Variants in RANBP17 observed in about 807,000 individuals in gnomAD.
The protein encoded by RANBP17 is ran-binding protein 17.
In RANBP17, 158 loss-of-function variants were observed where a neutral mutation model predicts 141.2. That is an observed-to-expected ratio of 1.12 (90% CI 0.98 to 1.28). The LOEUF is 1.28. Ranked by LOEUF, RANBP17 falls within the 50% of genes most tolerant of loss-of-function variation. The pLI is 0.00. For synonymous variants in RANBP17, 430 were observed against 450.0 expected, an observed-to-expected ratio of 0.96 and a Z score of 0.56; for missense variants, 1,438 against 1,290.7, an observed-to-expected ratio of 1.11 and a Z score of -1.75.
intron 5 of RANBP17, 82 bp from the exon 6 acceptor site, chr5:170,909,578 CT>C (rs386405668): frequency 0.072 from 17,362 of 239,768 alleles, 632 homozygotes; most frequent in African/African-American, 0.24. Flanking sequence ...AGTTTATTTC[CT>C]TTTTTTTTTT....
intron 14 of RANBP17, among the ~76,000 whole-genome samples, chr5:171,097,659 T>C (rs1374462437): frequency 2.1e-5 from 3 of 145,964 alleles, no homozygotes; most frequent in African/African-American, 7.6e-5. Flanking sequence ...TATTATACTT[T>C]AAGTTCTGGG....
intron 14 of RANBP17, among the ~76,000 whole-genome samples, chr5:171,061,352 G>T (rs1338542223): frequency 2.2e-4 from 33 of 150,198 alleles, no homozygotes; most frequent in South Asian, 1.1e-3. Flanking sequence ...AGAGATTCTG[G>T]TATGTTGTGT....
intron 14 of RANBP17, among the ~76,000 whole-genome samples, chr5:171,066,197 A>G (rs1378710721): frequency 6.6e-6 from 1 of 152,146 alleles, no homozygotes; most frequent in Non-Finnish European, 1.5e-5. Flanking sequence ...AAATAAAACT[A>G]AATTTGTTCC....
At chr5:170,932,026 TTCC>T (rs1415515450) in intron 12 of RANBP17, among the ~76,000 whole-genome samples, 1 of 152,230 alleles carries the variant, frequency 6.6e-6, no homozygotes, top group African/African-American at 2.4e-5. Flanking sequence ...ATATTGATTC[TTCC>T]TATCCATGAG....
Position 171,252,470 on chromosome 5 carries a change from G to A in RANBP17, c.2776+9650G>A, listed in dbSNP as rs1765635318. 2.0e-6 allele frequency: 3 copies of A among 1,470,204 alleles called. No individual in the cohort carries two copies. In the African/African-American group the frequency reaches 4.2e-5, roughly 20 times the overall value. 91.1% of individuals were successfully genotyped at this position (1,470,204 alleles called of 1,614,324 possible). On this transcript the variant is annotated intron_variant, in intron 24 of 27. Transcript: ENST00000523189. ...ATTACTCACTGCTTAAGGGCTTTCA[G>A]CAACACAGAAACCCTATGCAGTGAG...
chr5:171,109,267 A>G (rs1389751017), intron 14 of RANBP17, among the ~76,000 whole-genome samples: 1 of 152,196 alleles, frequency 6.6e-6, no homozygotes, highest in East Asian at 1.9e-4. Flanking sequence ...CAAATTATCT[A>G]TTATAGTTTA....
At chr5:171,108,282 C>G (rs1186492184) in intron 14 of RANBP17, among the ~76,000 whole-genome samples, 1 of 152,034 alleles carries the variant, frequency 6.6e-6, no homozygotes, top group African/African-American at 2.4e-5. Flanking sequence ...ATGTATGAAG[C>G]AGTGCAACTA....
chr5:171,043,473 G>A (rs1267173100), intron 14 of RANBP17, among the ~76,000 whole-genome samples: 1 of 152,014 alleles, frequency 6.6e-6, no homozygotes, highest in Non-Finnish European at 1.5e-5. Flanking sequence ...GAGAACTGTG[G>A]ACATATGTAG....
At chr5:170,899,844 G>A (rs1366995483) in intron 5 of RANBP17, among the ~76,000 whole-genome samples, 1 of 152,086 alleles carries the variant, frequency 6.6e-6, no homozygotes, top group African/African-American at 2.4e-5. Flanking sequence ...GTTGAACCAG[G>A]TTTGCATCCC....
In RANBP17 at chr5:171,210,294, G is replaced by A. The variant is rs574442651; in HGVS notation, c.2232-3337G>A. Among the ~76,000 whole-genome samples the A allele has an allele frequency of 2.0e-5, 3 of 152,088 alleles. 1 individual carries two copies. Among genetic ancestry groups the A allele is most frequent in the Non-Finnish European group, 4.4e-5 (3 of 67,992 alleles). ...CTGCAGCCCTTTTAACCTCTCTATT[G>A]TGCTTTCCAATAATCCCTCATTTTC... On this transcript the variant is annotated intron_variant, in intron 20 of 27. Coordinates refer to ENST00000523189, the MANE Select transcript of RANBP17 (RefSeq NM_022897.5).
chr5:171,135,924 A>T (rs1432299543), intron 14 of RANBP17, among the ~76,000 whole-genome samples: 1 of 152,232 alleles, frequency 6.6e-6, no homozygotes, highest in Non-Finnish European at 1.5e-5. Context: ...ATCAAAGATT[A>T]ATTTGCTTTA....
chr5:171,163,154 C>G (rs1469739721), intron 14 of RANBP17, among the ~76,000 whole-genome samples: 2 of 152,092 alleles, frequency 1.3e-5, no homozygotes, highest in East Asian at 1.9e-4. Flanking sequence ...GTTTTAAAAT[C>G]AAATTCTGGC....
intron 16 of RANBP17, among the ~76,000 whole-genome samples, chr5:171,178,724 G>A (rs1760686166): frequency 6.6e-6 from 1 of 152,164 alleles, no homozygotes; most frequent in Non-Finnish European, 1.5e-5. Context: ...TAACTGGCAT[G>A]AGATGGTATC....
At chr5:171,164,726 G>A (rs1341082459) in intron 14 of RANBP17, among the ~76,000 whole-genome samples, 1 of 152,194 alleles carries the variant, frequency 6.6e-6, no homozygotes, top group East Asian at 1.9e-4. Context: ...GAGCAAGAGA[G>A]ATGGGTAACT....
Position 171,171,183 on chromosome 5 carries a change from T to G in RANBP17, c.1785-23T>G, listed in dbSNP as rs1366212085. 4.5e-6 allele frequency: 6 copies of G among 1,336,916 alleles called. No homozygotes were observed. In the Admixed American group the frequency reaches 7.7e-5, roughly 17 times the overall value. 82.8% of individuals were successfully genotyped at this position (1,336,916 alleles called of 1,614,324 possible). ...GACAAGCAAATATCTTACTTATAAT[T>G]AAAGACTTTTTTTCATATTTAGTGT... On this transcript the variant is annotated intron_variant, in intron 15 of 27. Coordinates refer to ENST00000523189, the MANE Select transcript of RANBP17 (RefSeq NM_022897.5).
chr5:170,972,175 A>ATTTTTTTTTTTTTTTTTTTTTTTTT (rs5873248), intron 14 of RANBP17, among the ~76,000 whole-genome samples: 1 of 101,370 alleles, frequency 9.9e-6, no homozygotes, highest in Non-Finnish European at 1.9e-5. Context: ...GATCTTTAGG[A>ATTTTTTTTTTTTTTTTTTTTTTTTT]TTTTTTTTTT....
At position 171,021,827 on chromosome 5, in the gene RANBP17, C is replaced by T. The variant is rs961520814; in HGVS notation, c.1710+53450C>T. On this transcript the variant is annotated intron_variant, in intron 14 of 27. Coordinates refer to ENST00000523189, the MANE Select transcript of RANBP17 (RefSeq NM_022897.5). Reference sequence around the variant, plus strand: ...CTGCACCCTTGCTGGTGAGATGTTGCGATAATTTGGAGAAGAGTCACTCTG... The same window carrying T: ...CTGCACCCTTGCTGGTGAGATGTTGTGATAATTTGGAGAAGAGTCACTCTG... Among the ~76,000 whole-genome samples, 4 of 152,220 alleles carry T rather than the reference C, an allele frequency of 2.6e-5. 1 individual carries two copies. Among genetic ancestry groups the T allele is most frequent in the African/African-American group, 2.4e-5 (1 of 41,544 alleles).
intron 25 of RANBP17, among the ~76,000 whole-genome samples, chr5:171,275,516 G>C (rs1767429657): frequency 6.6e-6 from 1 of 152,154 alleles, no homozygotes; most frequent in Non-Finnish European, 1.5e-5. Context: ...TTCGGAGAAT[G>C]AAAAATTAGC....
intron 14 of RANBP17, among the ~76,000 whole-genome samples, chr5:171,022,080 G>A (rs576438188): frequency 2.0e-5 from 3 of 152,182 alleles, no homozygotes; most frequent in South Asian, 2.1e-4. Flanking sequence ...GGTTTGCTGG[G>A]GGTTCACTTC....
Sources: gnomAD v4.1 joint callset for allele counts (sites outside exome capture counted in the v4.1 genomes callset) on GRCh38, gnomAD v4.1.1 for gene constraint, MANE v1.5 for transcripts, NCBI Gene and HGNC (gene_info 2026-07-23, HGNC 2026-07-21) for gene names.